Variants in OLFM2 observed in about 807,000 individuals in gnomAD.
OLFM2 encodes noelin-2.
A neutral mutation model predicts 43.9 loss-of-function variants in OLFM2; 20 were observed. The observed-to-expected ratio is 0.46, with a 90% CI of 0.32 to 0.66. OLFM2 has a LOEUF of 0.66. OLFM2 is among the 30% of genes least tolerant of loss of function. The pLI, the probability that OLFM2 is intolerant of heterozygous loss-of-function variation, is 0.04. For missense variants in OLFM2, 416 were observed against 643.6 expected, an observed-to-expected ratio of 0.65 and a Z score of 3.83; for synonymous variants, 268 against 278.6, an observed-to-expected ratio of 0.96 and a Z score of 0.38.
intron 1 of OLFM2, among the ~76,000 whole-genome samples, chr19:9,934,254 G>C (rs1318508448): frequency 6.6e-6 from 1 of 152,160 alleles, no homozygotes; most frequent in Non-Finnish European, 1.5e-5. Context: ...CAACCATGTA[G>C]TTCCCGCGGT....
chr19:9,924,406 CAAAAAAAAAAA>C lies in OLFM2; in HGVS notation c.63+11887_63+11897del, dbSNP rs1166738814. ...GGGCGACAGAGCGAGACTCTGTCTCCAAAAAAAAAAAAAAAAAAAAAAAAAAATTGTTTTTG... is the reference window on the plus strand; with the variant it reads ...GGGCGACAGAGCGAGACTCTGTCTCCAAAAAAAAAAAAAAAATTGTTTTTG... On this transcript the variant is annotated intron_variant, in intron 1 of 5. Transcript: ENST00000264833. Among the ~76,000 whole-genome samples the C allele has an allele frequency of 1.5e-3, 39 of 25,784 alleles. 1 individual carries two copies. The East Asian group carries it at 0.039, about 26-fold the overall frequency. The allele number at this position is 25,784 out of a possible 152,430, so 16.9% of individuals were successfully genotyped here. A position where few individuals can be genotyped will look rare whatever the true frequency, so the allele number is the denominator to read the frequency against.
chr19:9,917,503 G>A (rs1452590622), intron 1 of OLFM2, among the ~76,000 whole-genome samples: 1 of 152,172 alleles, frequency 6.6e-6, no homozygotes, highest in East Asian at 1.9e-4. Flanking sequence ...GAGGAAGGCA[G>A]AAGCCAGGGT....
chr19:9,912,527 A>G (rs2046835500), intron 1 of OLFM2, among the ~76,000 whole-genome samples: 1 of 152,052 alleles, frequency 6.6e-6, no homozygotes, highest in Non-Finnish European at 1.5e-5. Flanking sequence ...GGGCTACCAG[A>G]GGTTGAGGAG....
chr19:9,884,150 T>A (rs1599479801), intron 1 of OLFM2, among the ~76,000 whole-genome samples: 1 of 151,808 alleles, frequency 6.6e-6, no homozygotes, highest in East Asian at 2.0e-4. Context: ...GCACCTGTAG[T>A]CCCAGCTACT....
chr19:9,897,744 A>G (rs1334878301), intron 1 of OLFM2, among the ~76,000 whole-genome samples: 1 of 152,056 alleles, frequency 6.6e-6, no homozygotes, highest in African/African-American at 2.4e-5. Flanking sequence ...AGTGACCAAG[A>G]CAATTCAGGC....
intron 1 of OLFM2, among the ~76,000 whole-genome samples, chr19:9,912,403 C>T (rs1181705926): frequency 6.6e-6 from 1 of 152,080 alleles, no homozygotes; most frequent in African/African-American, 2.4e-5. Context: ...CCATTTGGGG[C>T]TAAGCAAGGG....
chr19:9,880,755 G>A (rs1202006324), intron 1 of OLFM2, among the ~76,000 whole-genome samples: 1 of 152,152 alleles, frequency 6.6e-6, no homozygotes, highest in Non-Finnish European at 1.5e-5. Context: ...CAAGCCTCTA[G>A]GATTGTGAGA....
At chr19:9,884,907 G>A (rs1188539191) in intron 1 of OLFM2, among the ~76,000 whole-genome samples, 1 of 152,040 alleles carries the variant, frequency 6.6e-6, no homozygotes, top group African/African-American at 2.4e-5. Context: ...AATGCTTCCT[G>A]TACACTCCAA....
At chr19:9,916,853 A>G (rs1019190066) in intron 1 of OLFM2, among the ~76,000 whole-genome samples, 3 of 152,140 alleles carry the variant, frequency 2.0e-5, no homozygotes, top group Non-Finnish European at 4.4e-5. Context: ...TCATTAGATC[A>G]TTCTCACAGT....
chr19:9,934,286 C>G (rs533523186), intron 1 of OLFM2, among the ~76,000 whole-genome samples: 7 of 152,272 alleles, frequency 4.6e-5, no homozygotes, highest in African/African-American at 1.7e-4. Context: ...GGCACTGCAG[C>G]CCGCGGCAGG....
intron 1 of OLFM2, among the ~76,000 whole-genome samples, chr19:9,900,945 GGGAAGGAA>G (rs762692609): frequency 1.1e-3 from 20 of 18,942 alleles, no homozygotes; most frequent in Non-Finnish European, 1.7e-3. Flanking sequence ...GGGAGGGAAG[GGGAAGGAA>G]GGAAGGAAGG....
intron 1 of OLFM2, among the ~76,000 whole-genome samples, chr19:9,886,278 T>C (rs956557183): frequency 1.3e-5 from 2 of 152,112 alleles, no homozygotes; most frequent in East Asian, 3.9e-4. Context: ...TGATCTTGGC[T>C]CACTGCAACC....
intron 1 of OLFM2, among the ~76,000 whole-genome samples, chr19:9,886,769 C>G (rs770142877): frequency 4.6e-5 from 7 of 152,284 alleles, no homozygotes; most frequent in Middle Eastern, 3.4e-3. Context: ...ACTGCAACCT[C>G]TGCCTCCTGG....
intron 1 of OLFM2, among the ~76,000 whole-genome samples, chr19:9,867,774 G>A (rs911237383): frequency 6.6e-6 from 1 of 152,168 alleles, no homozygotes; most frequent in Non-Finnish European, 1.5e-5. Context: ...CCAATCCAAA[G>A]CTAAGAATTC....
At chr19:9,904,152 T>TTGTGTGTG (rs56281493) in intron 1 of OLFM2, among the ~76,000 whole-genome samples, 1,951 of 127,224 alleles carry the variant, frequency 0.015, 24 homozygotes, top group Admixed American at 0.022. Context: ...TGAGTATTGT[T>TTGTGTGTG]TGTGTGTGTG....
At chr19:9,883,275 C>T (rs537886307) in intron 1 of OLFM2, among the ~76,000 whole-genome samples, 1 of 151,332 alleles carries the variant, frequency 6.6e-6, no homozygotes, top group South Asian at 2.1e-4. Context: ...AAAACACAGG[C>T]AAAAATCCAA....
At position 9,854,390 on chromosome 19, in the gene OLFM2, C is replaced by G. The variant is rs762263683; in HGVS notation, c.1161G>C (p.Leu387=). The G allele has an allele frequency of 6.2e-7, 1 of 1,614,234 alleles. No individual in the cohort carries two copies. The highest frequency in any genetic ancestry group is 2.2e-5 in the East Asian group (1 of 44,880). The stretch of plus-strand genomic sequence containing the variant: ...AGGCGAAGTAGACCTTGGCCCCAGC[C>G]AGGTGGGAGTTGGTCACGTAGAGCA... ...CGVLYVTNSH[L]AGAKVYFAYF... Residue 387 remains leucine (L), a synonymous_variant, in exon 6 of 6, where the codon CTG becomes CTC. Coordinates refer to ENST00000264833, the MANE Select transcript of OLFM2 (RefSeq NM_058164.4). The surrounding 1 kb of genome is among the most constrained non-coding windows in gnomAD (Gnocchi z 9.5).
chr19:9,932,454 CAA>C (rs74178225), intron 1 of OLFM2, among the ~76,000 whole-genome samples: 2,397 of 95,846 alleles, frequency 0.025, 45 homozygotes, highest in African/African-American at 0.066. Flanking sequence ...GACTCAGTCT[CAA>C]AAAAAAAAAA....
At chr19:9,873,343 G>A (rs2046458816) in intron 1 of OLFM2, among the ~76,000 whole-genome samples, 1 of 152,080 alleles carries the variant, frequency 6.6e-6, no homozygotes. Context: ...TTGTAGAGAC[G>A]GGGTTTCACC....
Sources: allele counts gnomAD v4.1 joint callset (sites outside exome capture counted in the v4.1 genomes callset), GRCh38; gene constraint gnomAD v4.1.1; non-coding constraint Gnocchi (gnomAD v3.1); transcripts MANE v1.5; gene names NCBI Gene and HGNC (gene_info 2026-07-23, HGNC 2026-07-21).